ADGRV1: variants seen among roughly 807,000 people sequenced by gnomAD.
ADGRV1 encodes G-protein coupled receptor 98.
Under a neutral mutation model 596.2 loss-of-function variants are expected in ADGRV1, and 359 were observed. That is an observed-to-expected ratio of 0.60 (90% confidence interval 0.55 to 0.66). The LOEUF is 0.66. Among genes scored for constraint, ADGRV1 ranks in the 30% least tolerant of loss-of-function variants. The pLI is 0.00. For missense variants in ADGRV1, 7,274 were observed against 7,575.6 expected, an observed-to-expected ratio of 0.96 and a Z score of 1.48; for synonymous variants, 2,681 against 2,679.2, an observed-to-expected ratio of 1.00 and a Z score of -0.02.
chr5:90,741,033 G>A (rs1355306786), intron 50 of ADGRV1, among the ~76,000 whole-genome samples: 5 of 152,126 alleles, frequency 3.3e-5, no homozygotes, highest in Non-Finnish European at 5.9e-5. Context: ...TGTAGAAAAC[G>A]GTGGAGCCAG....
chr5:90,728,764 G>A lies in ADGRV1; in HGVS notation c.10257G>A (p.Val3419=), dbSNP rs1384892226. ...TVALFNKGGS[V]FLAISQANAR... ...CCTTGTTCAACAAGGGAGGCTCTGT[G>A]TTCTTAGCCATTTCCCAGGCTAATG... is the stretch of plus-strand genomic sequence containing the variant. Residue 3419 remains valine, a synonymous_variant, in exon 49 of 90, where the codon GTG becomes GTA. Coordinates refer to ENST00000405460, the MANE Select transcript of ADGRV1 (RefSeq NM_032119.4). 1 of 1,613,826 alleles carries A rather than the reference G, an allele frequency of 6.2e-7. No individual in the cohort carries two copies. Among genetic ancestry groups the A allele is most frequent in the African/African-American group, 1.3e-5 (1 of 74,928 alleles).
Position 90,778,438 on chromosome 5 carries a change from T to C in ADGRV1, c.12678T>C (p.Asp4226=), listed in dbSNP as rs1178022605. 5 of 1,612,616 alleles carry C rather than the reference T, an allele frequency of 3.1e-6. No individual in the cohort carries two copies. Among genetic ancestry groups the C allele is most frequent in the Admixed American group, 1.7e-5 (1 of 59,852 alleles). Residue 4226 remains aspartate, a synonymous_variant, in exon 63 of 90, where the codon GAT becomes GAC. Transcript: ENST00000405460. ...TTGTCTTTTTCTAGGCTTTGAACGA[T>C]GACATTCCCGAGGAAAAAAGCTTCT... ...AVIVVIQALN[D]DIPEEKSFYE...
intron 83 of ADGRV1, among the ~76,000 whole-genome samples, chr5:90,885,316 G>A (rs145361006): frequency 7.4e-4 from 113 of 152,232 alleles, no homozygotes; most frequent in African/African-American, 2.1e-3. Context: ...CTTGTTCCCA[G>A]GTGATTAACT....
intron 83 of ADGRV1, among the ~76,000 whole-genome samples, chr5:90,877,708 G>A (rs1769350784): frequency 6.6e-6 from 1 of 151,080 alleles, no homozygotes; most frequent in Non-Finnish European, 1.5e-5. Context: ...AAATAGTTAG[G>A]TGTAAGGTAT....
chr5:91,159,428 A>G (rs1270238370), intron 89 of ADGRV1, among the ~76,000 whole-genome samples: 1 of 152,192 alleles, frequency 6.6e-6, no homozygotes, highest in Non-Finnish European at 1.5e-5. Context: ...TGTTTGATCT[A>G]AAATAGAAGC....
intron 59 of ADGRV1, among the ~76,000 whole-genome samples, chr5:90,764,689 C>T (rs1231335146): frequency 6.6e-6 from 1 of 152,146 alleles, no homozygotes; most frequent in Non-Finnish European, 1.5e-5. Context: ...CCCCCTGGGA[C>T]CCACCTGTCC....
chr5:90,916,631 A>ATTTTTTTTTTTT (rs11407284), intron 83 of ADGRV1, among the ~76,000 whole-genome samples: 1 of 124,688 alleles, frequency 8.0e-6, no homozygotes, highest in Non-Finnish European at 1.6e-5. Context: ...GCGTTCACAA[A>ATTTTTTTTTTTT]TTTTTTTTTT....
chr5:90,590,236 C>T (rs979042809), intron 1 of ADGRV1, among the ~76,000 whole-genome samples: 2 of 152,120 alleles, frequency 1.3e-5, no homozygotes, highest in African/African-American at 4.8e-5. Flanking sequence ...AATTAATTTA[C>T]GATGATTTCT....
intron 48 of ADGRV1, 54 bp from the exon 49 acceptor site, chr5:90,728,615 G>A (rs768127033): frequency 6.9e-7 from 1 of 1,450,012 alleles, no homozygotes; most frequent in Non-Finnish European, 9.4e-7. Context: ...TTACATTCTT[G>A]CAAGTGCTAA....
chr5:90,791,416 A>C, intron 70 of ADGRV1, 70 bp downstream of exon 70: 2 of 1,141,188 alleles, frequency 1.8e-6, no homozygotes, highest in Non-Finnish European at 2.4e-6. Flanking sequence ...TGCTTACCTC[A>C]TAATCAGTTT....
rs763758042 is a variant in ADGRV1, at chr5:90,750,641, A to G, written c.11065A>G (p.Thr3689Ala). 2 of 1,612,516 alleles carry G rather than the reference A, an allele frequency of 1.2e-6. No individual in the cohort carries two copies. Among genetic ancestry groups the G allele is most frequent in the Admixed American group, 3.3e-5 (2 of 60,024 alleles). ...CTTAAAAGGAACATATGGCCGTATA[A>G]CCATAGCATGGGAAGCTGATGGAAG... ...ERLKGTYGRI[T>A]IAWEADGSIS... Residue 3689 changes from threonine to alanine, a missense_variant, in exon 53 of 90, where the codon ACC becomes GCC. Transcript: ENST00000405460.
At chr5:90,665,304 C>T (rs534880883) in intron 21 of ADGRV1, among the ~76,000 whole-genome samples, 25 of 152,140 alleles carry the variant, frequency 1.6e-4, no homozygotes, top group East Asian at 1.4e-3. Context: ...TGTTATTGGT[C>T]TATTCAGAGA....
intron 77 of ADGRV1, among the ~76,000 whole-genome samples, chr5:90,837,324 C>A (rs573832036): frequency 6.6e-6 from 1 of 151,810 alleles, no homozygotes; most frequent in South Asian, 2.1e-4. Flanking sequence ...CTTATTTTCA[C>A]GTTGCCTATT....
At chr5:90,672,261 T>G (rs1181628800) in intron 21 of ADGRV1, among the ~76,000 whole-genome samples, 1 of 152,232 alleles carries the variant, frequency 6.6e-6, no homozygotes, top group Non-Finnish European at 1.5e-5. Context: ...GCACAGTGGT[T>G]GGAACACAGG....
chr5:91,028,371 C>A (rs1294104247), intron 85 of ADGRV1, among the ~76,000 whole-genome samples: 1 of 152,106 alleles, frequency 6.6e-6, no homozygotes, highest in Non-Finnish European at 1.5e-5. Context: ...CCAATATCTG[C>A]CTCACAGTTC....
intron 29 of ADGRV1, among the ~76,000 whole-genome samples, chr5:90,686,451 G>A (rs1263823943): frequency 6.6e-6 from 1 of 152,016 alleles, no homozygotes; most frequent in Non-Finnish European, 1.5e-5. Context: ...ACCTATGAGT[G>A]AGAATATGCA....
At chr5:90,646,835 G>A (rs1269723429) in intron 16 of ADGRV1, among the ~76,000 whole-genome samples, 1 of 149,832 alleles carries the variant, frequency 6.7e-6, no homozygotes. Context: ...GTGCAGCGGC[G>A]TGATCTCGGC....
chr5:90,783,085 C>T (rs761851955), intron 65 of ADGRV1, 39 bp from the exon 66 acceptor site: 1 of 1,548,774 alleles, frequency 6.5e-7, no homozygotes, highest in Non-Finnish European at 8.9e-7. Flanking sequence ...GTTAGTTGCT[C>T]TGTCTGGCTT....
At chr5:90,840,237 C>T (rs1471224831) in intron 77 of ADGRV1, among the ~76,000 whole-genome samples, 2 of 152,088 alleles carry the variant, frequency 1.3e-5, no homozygotes, top group East Asian at 1.9e-4. Context: ...TCCTCCTTTT[C>T]CTGCATACTT....
Sources: gnomAD v4.1 joint callset for allele counts (sites outside exome capture counted in the v4.1 genomes callset) on GRCh38, gnomAD v4.1.1 for gene constraint, MANE v1.5 for transcripts, NCBI Gene and HGNC (gene_info 2026-07-23, HGNC 2026-07-21) for gene names.